Variants in CPS1 observed in about 807,000 individuals in gnomAD.
CPS1 encodes carbamoyl-phosphate synthase [ammonia], mitochondrial.
Under a neutral mutation model 174.6 loss-of-function variants are expected in CPS1, and 109 were observed. The observed-to-expected ratio is 0.62, with a 90% CI of 0.53 to 0.73. The LOEUF is 0.73. CPS1 is among the 30% of genes least tolerant of loss of function. The pLI is 0.00. For missense variants in CPS1, 1,689 were observed against 1,821.9 expected, an observed-to-expected ratio of 0.93 and a Z score of 1.33; for synonymous variants, 637 against 632.0, an observed-to-expected ratio of 1.01 and a Z score of -0.12.
chr2:210,498,554 G>C (rs1217681716), intron 1 of CPS1, among the ~76,000 whole-genome samples: 4 of 152,116 alleles, frequency 2.6e-5, no homozygotes. Context: ...GGAGCCTTTT[G>C]GTGGGTCTTT....
chr2:210,607,281 C>A (rs891298035), intron 18 of CPS1, among the ~76,000 whole-genome samples: 1 of 151,926 alleles, frequency 6.6e-6, no homozygotes, highest in Non-Finnish European at 1.5e-5. Context: ...CAGCTGTTTT[C>A]TTCAGGTGTA....
At chr2:210,585,594 A>G (rs773017128) in intron 6 of CPS1, among the ~76,000 whole-genome samples, 2 of 152,002 alleles carry the variant, frequency 1.3e-5, no homozygotes, top group African/African-American at 2.4e-5. Context: ...GATTATACAT[A>G]GGAAGGCTTG....
Position 210,637,703 on chromosome 2 carries a change from G to A in CPS1, c.2689G>A (p.Glu897Lys), listed in dbSNP as rs777689238. The A allele has an allele frequency of 6.2e-6, 10 of 1,613,728 alleles. No individual in the cohort carries two copies. The African/African-American group carries it at 1.1e-4, about 17-fold the overall frequency. Residue 897 changes from glutamate to lysine, a missense_variant and splice_region_variant, in exon 22 of 38, where the codon GAG (glutamate) becomes AAG (lysine). Coordinates refer to ENST00000233072, the MANE Select transcript of CPS1 (RefSeq NM_001875.5). ...TCTCTCTTTTCTATTAAATCCTAGT[G>A]AGTCCATGACAGAAGAAACCCTGAA... ...MEKTLKGLNS[E>K]SMTEETLKRA...
intron 1 of CPS1, among the ~76,000 whole-genome samples, chr2:210,524,467 G>A (rs963518036): frequency 6.6e-6 from 1 of 151,892 alleles, no homozygotes; most frequent in African/African-American, 2.4e-5. Flanking sequence ...AGCTTATACC[G>A]AAATAATGCA....
chr2:210,553,252 T>A (rs920468045), upstream of CPS1, among the ~76,000 whole-genome samples: 17 of 151,850 alleles, frequency 1.1e-4, no homozygotes, highest in African/African-American at 4.1e-4. Context: ...AAGATAATAC[T>A]TTAGTGTTAA....
chr2:210,599,550 C>G lies in CPS1; in HGVS notation c.1538C>G (p.Ala513Gly), dbSNP rs759503440. 7 of 1,612,240 alleles carry G rather than the reference C, an allele frequency of 4.3e-6. No homozygotes were observed. Among genetic ancestry groups the G allele is most frequent in the Non-Finnish European group, 5.1e-6 (6 of 1,178,878 alleles). ...GLILGMGGQT[A>G]LNCGVELFKR... ...ATTCTGGGCATGGGTGGCCAGACAGCTCTGAACTGTGGTGAGTTCTTATAA... is the reference window on the plus strand; with the variant it reads ...ATTCTGGGCATGGGTGGCCAGACAGGTCTGAACTGTGGTGAGTTCTTATAA... Residue 513 changes from alanine (A) to glycine (G), a missense_variant, in exon 14 of 38, where the codon GCT becomes GGT. Ala to Gly is a moderately conservative substitution (Grantham distance 60, BLOSUM62 0). Coordinates refer to ENST00000233072, the MANE Select transcript of CPS1 (RefSeq NM_001875.5).
chr2:210,515,968 A>G (rs1179383597), intron 1 of CPS1, among the ~76,000 whole-genome samples: 1 of 151,890 alleles, frequency 6.6e-6, no homozygotes, highest in Non-Finnish European at 1.5e-5. Flanking sequence ...CCCAAAAGTC[A>G]TTTAGGAGGA....
intron 1 of CPS1, among the ~76,000 whole-genome samples, chr2:210,520,341 G>T (rs1032639746): frequency 1.6e-4 from 25 of 151,978 alleles, no homozygotes; most frequent in Non-Finnish European, 2.2e-4. Context: ...TACATGTGCA[G>T]AACATGCAGG....
intron 1 of CPS1, among the ~76,000 whole-genome samples, chr2:210,547,767 A>AG (rs1696602577): frequency 6.6e-6 from 1 of 152,070 alleles, no homozygotes; most frequent in Non-Finnish European, 1.5e-5. Flanking sequence ...AAGGTTTATT[A>AG]GTGAATCTGT....
chr2:210,528,105 C>T (rs1026958608), intron 1 of CPS1, among the ~76,000 whole-genome samples: 1 of 151,762 alleles, frequency 6.6e-6, no homozygotes, highest in Non-Finnish European at 1.5e-5. Flanking sequence ...ACACAAGTCA[C>T]CCTGTTTGTG....
chr2:210,616,717 G>A (rs943671830), intron 21 of CPS1, among the ~76,000 whole-genome samples, 176 bp downstream of exon 21: 3 of 149,840 alleles, frequency 2.0e-5, no homozygotes, highest in African/African-American at 7.4e-5. Flanking sequence ...TTTTTTAGAT[G>A]TTTACCTTTA....
intron 33 of CPS1, among the ~76,000 whole-genome samples, chr2:210,665,163 A>G (rs1193322261): frequency 1.3e-5 from 2 of 152,230 alleles, no homozygotes; most frequent in African/African-American, 2.4e-5. Flanking sequence ...TTAGTTGCCC[A>G]GTACTTGACT....
chr2:210,639,920 G>C, intron 23 of CPS1, 76 bp from the exon 24 acceptor site: 1 of 1,024,984 alleles, frequency 9.8e-7, no homozygotes, highest in Non-Finnish European at 1.5e-6. Context: ...CATACTTAAT[G>C]ATAGGACAAC....
upstream of CPS1, among the ~76,000 whole-genome samples, chr2:210,553,640 A>G (rs944630093): frequency 6.6e-6 from 1 of 152,016 alleles, no homozygotes; most frequent in Non-Finnish European, 1.5e-5. Context: ...GCGTGCAGAC[A>G]GCTTATATGA....
At chr2:210,554,113 ATATG>A (rs1328486917), upstream of CPS1, among the ~76,000 whole-genome samples, 1 of 145,842 alleles carries the variant, frequency 6.9e-6, no homozygotes, top group Non-Finnish European at 1.5e-5. Context: ...ACACATATAT[ATATG>A]TATGTATATA....
chr2:210,491,307 GTTTTTTT>G (rs66825517), intron 1 of CPS1, among the ~76,000 whole-genome samples: 6 of 50,354 alleles, frequency 1.2e-4, no homozygotes, highest in East Asian at 6.8e-4. Context: ...TGGTATCTGT[GTTTTTTT>G]TTTTTTTTTT....
chr2:210,482,033 A>G (rs1694582628), intron 1 of CPS1, among the ~76,000 whole-genome samples: 1 of 152,290 alleles, frequency 6.6e-6, no homozygotes, highest in South Asian at 2.1e-4. Context: ...GCTGAGCCTC[A>G]AAGCCTGGGC....
At chr2:210,658,571 C>T in intron 30 of CPS1, 28 bp from the exon 31 acceptor site, 1 of 1,588,768 alleles carries the variant, frequency 6.3e-7, no homozygotes, top group Non-Finnish European at 8.6e-7. Flanking sequence ...CTCTTTAGCA[C>T]ACTATACGAT....
chr2:210,538,083 A>G (rs1006944849), intron 1 of CPS1, among the ~76,000 whole-genome samples: 1 of 152,206 alleles, frequency 6.6e-6, no homozygotes, highest in African/African-American at 2.4e-5. Flanking sequence ...ATGATTCATT[A>G]TCTCTTCTAC....
Sources: gnomAD v4.1 joint callset for allele counts (sites outside exome capture counted in the v4.1 genomes callset) on GRCh38, gnomAD v4.1.1 for gene constraint, MANE v1.5 for transcripts, NCBI Gene and HGNC (gene_info 2026-07-23, HGNC 2026-07-21) for gene names.